Variants in AFF4 observed in about 807,000 individuals in gnomAD.
The protein encoded by AFF4 is ALF transcription elongation factor 4, also known as AF4/FMR2 family member 4.
A neutral mutation model predicts 124.8 loss-of-function variants in AFF4; 13 were observed. That is an observed-to-expected ratio of 0.10 (90% confidence interval 0.07 to 0.17). The LOEUF (loss-of-function observed/expected upper bound fraction) is 0.17, where lower values mean the gene tolerates loss of function less well. Among genes scored for constraint, AFF4 ranks in the 10% least tolerant of loss-of-function variants. The pLI is 1.00. For synonymous variants in AFF4, 477 were observed against 496.1 expected (o/e 0.96, Z 0.51); for missense variants, 1,092 against 1,403.8 (o/e 0.78, Z 3.55).
At chr5:132,922,323 G>A (rs921361078) in intron 5 of AFF4, among the ~76,000 whole-genome samples, 1 of 152,050 alleles carries the variant, frequency 6.6e-6, no homozygotes, top group Non-Finnish European at 1.5e-5. Context: ...GGAGGCTGAG[G>A]TGAGAGACTG....
In AFF4 at chr5:132,883,337, T is replaced by C. The variant is rs1312384538; in HGVS notation, c.3364+3A>G. The C allele has an allele frequency of 1.2e-6, 2 of 1,613,542 alleles. No individual in the cohort carries two copies. The highest frequency in any genetic ancestry group is 1.1e-5 in the South Asian group (1 of 91,064). On this transcript the variant is annotated splice_donor_region_variant and intron_variant, in intron 20 of 20. Transcript: ENST00000265343. ...CTTGAAGTTTATCCAGAAACCTACC[T>C]ACCTTTTTGCTCTTTGGAAAGCTGT...
At chr5:132,924,944 G>C (rs1395021450) in intron 5 of AFF4, among the ~76,000 whole-genome samples, 2 of 152,022 alleles carry the variant, frequency 1.3e-5, no homozygotes, top group African/African-American at 4.8e-5. Context: ...GGGAGGCCAA[G>C]GCGGGTGGAT....
At chr5:132,893,838 C>T (rs1293483369) in intron 11 of AFF4, among the ~76,000 whole-genome samples, 1 of 152,152 alleles carries the variant, frequency 6.6e-6, no homozygotes, top group Non-Finnish European at 1.5e-5. Context: ...TTAGTAGTCA[C>T]TCCCCATCTC....
chr5:132,880,901 G>T lies in AFF4; in HGVS notation c.*158C>A. 1 of 830,438 alleles carries T rather than the reference G, an allele frequency of 1.2e-6. No individual in the cohort carries two copies. Among genetic ancestry groups the T allele is most frequent in the Non-Finnish European group, 1.8e-6 (1 of 566,900 alleles). 51.4% of individuals were successfully genotyped at this position (830,438 alleles called of 1,614,324 possible). On this transcript the variant is annotated 3_prime_UTR_variant, in exon 21 of 21. Transcript: ENST00000265343. ...GAAATATTAAAGGGCCAACTGACATGATCGCTTTGGATTATCAAAAACAAC... is the reference window on the plus strand; with the variant it reads ...GAAATATTAAAGGGCCAACTGACATTATCGCTTTGGATTATCAAAAACAAC...
At chr5:132,921,617 G>A (rs915703395) in intron 5 of AFF4, among the ~76,000 whole-genome samples, 4 of 151,874 alleles carry the variant, frequency 2.6e-5, no homozygotes, top group Non-Finnish European at 5.9e-5. Flanking sequence ...ATAGGCATGC[G>A]CCACCATGCC....
chr5:132,878,539 GAC>G lies in AFF4; in HGVS notation c.*2518_*2519del, dbSNP rs1289430567. The G allele has an allele frequency of 4.3e-6, 1 of 232,114 alleles. No individual in the cohort carries two copies. The highest frequency in any genetic ancestry group is 8.5e-6 in the Non-Finnish European group (1 of 117,028). 14.4% of individuals were successfully genotyped at this position (232,114 alleles called of 1,614,324 possible). On this transcript the variant is annotated 3_prime_UTR_variant, in exon 21 of 21. Coordinates refer to ENST00000265343, the MANE Select transcript of AFF4 (RefSeq NM_014423.4). ...ATGTGCTGGAGCAGATGATGACAAA[GAC>G]AGAACATCTAAGAAGATAGACATGG...
At chr5:132,898,081 A>C (rs1346249537) in intron 10 of AFF4, 149 bp downstream of exon 10, 2 of 1,020,364 alleles carry the variant, frequency 2.0e-6, no homozygotes, top group African/African-American at 3.3e-5. Context: ...AACCATCTAG[A>C]TTTCCTCCAA....
At position 132,896,762 on chromosome 5, in the gene AFF4, G is replaced by A; in HGVS notation, c.1868C>T (p.Pro623Leu). 2 of 1,614,126 alleles carry A rather than the reference G, an allele frequency of 1.2e-6. No individual in the cohort carries two copies. Among genetic ancestry groups the A allele is most frequent in the South Asian group, 2.2e-5 (2 of 91,084 alleles). ...IKKESKSSPRPTAEKKKYKST... is the reference protein window; with the variant it reads ...IKKESKSSPRLTAEKKKYKST... ...CTTATATTTCTTTTTCTCTGCTGTA[G>A]GTCGAGGGGAAGACTTAGACTCCTT... The change falls in exon 11 of 21, where the codon CCT (proline) becomes CTT (leucine). Residue 623 changes from proline (P) to leucine (L), a missense_variant. This residue lies in a region of AFF4 where 174 missense variants were observed against 205.9 expected (regional missense o/e 0.84). Transcript: ENST00000265343.
intron 3 of AFF4, 27 bp downstream of exon 3, chr5:132,934,119 TG>T (rs768093834): frequency 6.3e-7 from 1 of 1,582,464 alleles, no homozygotes; most frequent in East Asian, 2.2e-5. Context: ...GTAGTCACAA[TG>T]TTAAAAGCTC....
chr5:132,881,248 A>G (rs1759970734), intron 20 of AFF4, 62 bp from the exon 21 acceptor site: 4 of 1,544,284 alleles, frequency 2.6e-6, no homozygotes, highest in South Asian at 1.2e-5. Context: ...CTTTAAAACT[A>G]TGAGTAGAGA....
At chr5:132,881,885 C>T (rs1399210274) in intron 20 of AFF4, among the ~76,000 whole-genome samples, 1 of 149,310 alleles carries the variant, frequency 6.7e-6, no homozygotes, top group African/African-American at 2.5e-5. Context: ...AGGCTGGTCT[C>T]GAACTCCTGA....
At position 132,934,904 on chromosome 5, in the gene AFF4, C is replaced by T. The variant is rs377187516; in HGVS notation, c.161G>A (p.Ser54Asn). The change falls in exon 3 of 21, where the codon AGT becomes AAT. Residue 54 changes from serine (S) to asparagine (N), a missense_variant. Ser to Asn is a conservative substitution (Grantham distance 46, BLOSUM62 1). Around this residue, in one of 11 missense-constraint regions of AFF4, gnomAD observed 35 missense variants for 70.9 expected, o/e 0.49. Coordinates refer to ENST00000265343, the MANE Select transcript of AFF4 (RefSeq NM_014423.4). ...CATTTCATCGTAGTTTCCAAGCATA[C>T]TCTGAATACGACTTGATAACTTATC... The part of the protein sequence containing the change: ...KEDKLSSRIQ[S>N]MLGNYDEMKD... 7.5e-6 allele frequency: 12 copies of T among 1,610,664 alleles called. No individual in the cohort carries two copies. The highest frequency in any genetic ancestry group is 9.3e-6 in the Non-Finnish European group (11 of 1,178,804).
At chr5:132,963,006 A>T (rs1762115255) in intron 1 of AFF4, among the ~76,000 whole-genome samples, 1 of 152,136 alleles carries the variant, frequency 6.6e-6, no homozygotes, top group Non-Finnish European at 1.5e-5. Flanking sequence ...GGAAAGGAGA[A>T]ACACTAAACG....
chr5:132,958,116 A>C (rs1364575339), intron 1 of AFF4, among the ~76,000 whole-genome samples: 1 of 152,164 alleles, frequency 6.6e-6, no homozygotes, highest in African/African-American at 2.4e-5. Context: ...GGATTGTTTT[A>C]ATCTTTATAT....
At chr5:132,899,202 G>A in intron 8 of AFF4, 61 bp from the exon 9 acceptor site, 1 of 1,496,212 alleles carries the variant, frequency 6.7e-7, no homozygotes, top group Non-Finnish European at 9.3e-7. Context: ...TTTGCTTAGT[G>A]TGAATAATAT....
At position 132,934,653 on chromosome 5, in the gene AFF4, C is replaced by T. The variant is rs756072790; in HGVS notation, c.412G>A (p.Ala138Thr). ...QSGHSSQRTS[A>T]GSSSGTNSSG... ...CTGTTAGTGCCACTACTGCTACCTG[C>T]GCTGGTCCGCTGGCTACTATGTCCA... The change falls in exon 3 of 21, where the codon GCA becomes ACA. Residue 138 changes from alanine to threonine, a missense_variant. Physicochemically the swap from Ala to Thr is moderately conservative, Grantham distance 58. This residue lies in a region of AFF4 where 188 missense variants were observed against 203.0 expected (regional missense o/e 0.93). Coordinates refer to ENST00000265343, the MANE Select transcript of AFF4 (RefSeq NM_014423.4). The T allele has an allele frequency of 6.2e-6, 10 of 1,614,146 alleles. No individual in the cohort carries two copies. Among genetic ancestry groups the T allele is most frequent in the South Asian group, 3.3e-5 (3 of 91,086 alleles).
intron 1 of AFF4, among the ~76,000 whole-genome samples, chr5:132,948,026 C>G (rs757850828): frequency 2.6e-5 from 4 of 152,116 alleles, no homozygotes; most frequent in Non-Finnish European, 4.4e-5. Context: ...AAATCATTCT[C>G]AACTCGTCCC....
At chr5:132,923,375 AG>A (rs1581308346) in intron 5 of AFF4, among the ~76,000 whole-genome samples, 2 of 37,682 alleles carry the variant, frequency 5.3e-5, no homozygotes, top group African/African-American at 1.1e-4. Flanking sequence ...AAGAAAGGAG[AG>A]AGAGAGAGAG....
intron 5 of AFF4, among the ~76,000 whole-genome samples, chr5:132,917,574 C>G (rs755355532): frequency 5.3e-4 from 80 of 152,056 alleles, no homozygotes; most frequent in Non-Finnish European, 2.9e-5. Flanking sequence ...ATTATAAAAT[C>G]TTTATTCACA....
Sources: gnomAD v4.1 joint callset for allele counts (sites outside exome capture counted in the v4.1 genomes callset) on GRCh38, gnomAD v4.1.1 for gene constraint, gnomAD v4.1.1 regional missense constraint, MANE v1.5 for transcripts, NCBI Gene and HGNC (gene_info 2026-07-23, HGNC 2026-07-21) for gene names.